Variants in KCNQ3 observed in about 807,000 individuals in gnomAD.
KCNQ3 encodes the protein potassium voltage-gated channel subfamily KQT member 3.
A neutral mutation model predicts 92.5 loss-of-function variants in KCNQ3; 30 were observed. The observed-to-expected ratio is 0.32, with a 90% CI of 0.24 to 0.44. The LOEUF (loss-of-function observed/expected upper bound fraction) is 0.44. Ranked by LOEUF, KCNQ3 falls within the 20% of genes least tolerant of loss-of-function variation. KCNQ3 has a pLI of 1.00. For synonymous variants in KCNQ3, 450 were observed against 468.8 expected (o/e 0.96, Z 0.52); for missense variants, 913 against 1,140.3 (o/e 0.80, Z 2.87).
intron 1 of KCNQ3, among the ~76,000 whole-genome samples, chr8:132,205,138 T>C (rs1438302584): frequency 1.3e-5 from 2 of 152,200 alleles, no homozygotes; most frequent in African/African-American, 2.4e-5. Flanking sequence ...ATAGGACACA[T>C]TGTATCTGAG....
intron 1 of KCNQ3, among the ~76,000 whole-genome samples, chr8:132,445,793 G>C (rs973514200): frequency 1.2e-4 from 19 of 152,214 alleles, no homozygotes; most frequent in Admixed American, 6.5e-5. Context: ...TCACAGATGA[G>C]AAAATCAAGA....
intron 1 of KCNQ3, among the ~76,000 whole-genome samples, chr8:132,363,004 G>A (rs1395881802): frequency 6.6e-6 from 1 of 152,084 alleles, no homozygotes; most frequent in Non-Finnish European, 1.5e-5. Flanking sequence ...AGTGAAGGGG[G>A]AGTTACCAAA....
At chr8:132,269,126 CTAATA>C (rs1816075287) in intron 1 of KCNQ3, among the ~76,000 whole-genome samples, 1 of 152,116 alleles carries the variant, frequency 6.6e-6, no homozygotes, top group Non-Finnish European at 1.5e-5. Flanking sequence ...AGCTTTTTAT[CTAATA>C]TGTCTTGTGC....
intron 1 of KCNQ3, among the ~76,000 whole-genome samples, chr8:132,221,837 C>T (rs1356241832): frequency 6.6e-6 from 1 of 152,124 alleles, no homozygotes; most frequent in Non-Finnish European, 1.5e-5. Context: ...ATTTAATAAA[C>T]AGTGCTGGGA....
chr8:132,170,749 C>G (rs981497733), intron 7 of KCNQ3, among the ~76,000 whole-genome samples: 1 of 151,658 alleles, frequency 6.6e-6, no homozygotes, highest in African/African-American at 2.4e-5. Context: ...CTATGGCTCA[C>G]GCCTGTAATC....
intron 1 of KCNQ3, among the ~76,000 whole-genome samples, chr8:132,318,436 T>A (rs537854182): frequency 1.3e-5 from 2 of 152,288 alleles, no homozygotes; most frequent in East Asian, 3.9e-4. Flanking sequence ...AGGGAATCTG[T>A]TTGTAAGACT....
chr8:132,303,202 G>A (rs117677107), intron 1 of KCNQ3, among the ~76,000 whole-genome samples: 2 of 152,180 alleles, frequency 1.3e-5, no homozygotes, highest in Non-Finnish European at 2.9e-5. Flanking sequence ...CCATGCTACA[G>A]CATTACTATT....
At chr8:132,134,514 G>T (rs1053501630) in intron 12 of KCNQ3, 126 bp from the exon 13 acceptor site, 18 of 647,950 alleles carry the variant, frequency 2.8e-5, no homozygotes, top group South Asian at 1.6e-4. Context: ...GGAGAGGAGA[G>T]GAGAAGTGAG....
rs1554629223 is a variant in KCNQ3, at chr8:132,187,849, G to GTAGTGA, written c.387-1674_387-1669dup. Among the ~76,000 whole-genome samples the GTAGTGA allele has an allele frequency of 2.1e-3, 210 of 101,560 alleles. 2 individuals are homozygous for GTAGTGA. The highest frequency in any genetic ancestry group is 6.4e-3 in the African/African-American group (124 of 19,440). 66.6% of individuals were successfully genotyped at this position (101,560 alleles called of 152,430 possible). On this transcript the variant is annotated intron_variant, in intron 1 of 14. Transcript: ENST00000388996. ...GGTGGTGATTGTGGTGGTGGTGGTG[G>GTAGTGA]TAGTGATGGTGGTGGTGGTGGTGAT...
At chr8:132,458,796 C>T (rs1227445239) in intron 1 of KCNQ3, among the ~76,000 whole-genome samples, 1 of 152,212 alleles carries the variant, frequency 6.6e-6, no homozygotes, top group Non-Finnish European at 1.5e-5. Context: ...TACTGTAGTA[C>T]AGAATTCCCA....
At chr8:132,159,983 C>T (rs566501473) in intron 9 of KCNQ3, among the ~76,000 whole-genome samples, 14 of 152,040 alleles carry the variant, frequency 9.2e-5, no homozygotes, top group Non-Finnish European at 1.8e-4. Context: ...GATAATGCAG[C>T]GAATAAAACA....
intron 1 of KCNQ3, among the ~76,000 whole-genome samples, chr8:132,258,393 A>G (rs964592617): frequency 2.0e-5 from 3 of 152,244 alleles, no homozygotes; most frequent in South Asian, 4.1e-4. Context: ...TAATAATAAT[A>G]CATTCCTAAA....
intron 1 of KCNQ3, among the ~76,000 whole-genome samples, chr8:132,276,284 T>C (rs993551215): frequency 4.6e-5 from 7 of 152,018 alleles, no homozygotes; most frequent in Non-Finnish European, 7.4e-5. Flanking sequence ...CTCCAGGAGG[T>C]GGACACCCTT....
At chr8:132,264,355 G>T (rs1326727509) in intron 1 of KCNQ3, among the ~76,000 whole-genome samples, 1 of 152,132 alleles carries the variant, frequency 6.6e-6, no homozygotes, top group Non-Finnish European at 1.5e-5. Flanking sequence ...CATTTCACCA[G>T]CCCCCAGCTA....
chr8:132,384,024 G>A (rs1819829408), intron 1 of KCNQ3, among the ~76,000 whole-genome samples: 1 of 152,174 alleles, frequency 6.6e-6, no homozygotes, highest in Non-Finnish European at 1.5e-5. Flanking sequence ...GAGAATGGGA[G>A]TCAGTGTTAG....
At chr8:132,185,927 C>T (rs762353859) in intron 2 of KCNQ3, among the ~76,000 whole-genome samples, 164 bp downstream of exon 2, 1 of 152,176 alleles carries the variant, frequency 6.6e-6, no homozygotes, top group South Asian at 2.1e-4. Context: ...GTGCCCATGG[C>T]GGGCCATACC....
intron 8 of KCNQ3, among the ~76,000 whole-genome samples, 159 bp downstream of exon 8, chr8:132,170,175 A>T (rs1393750822): frequency 6.6e-6 from 1 of 152,114 alleles, no homozygotes; most frequent in Non-Finnish European, 1.5e-5. Flanking sequence ...GCCCAGCCAG[A>T]ACTGTTTAAG....
intron 1 of KCNQ3, among the ~76,000 whole-genome samples, chr8:132,230,773 G>A (rs904602776): frequency 5.3e-5 from 8 of 152,072 alleles, no homozygotes; most frequent in African/African-American, 1.9e-4. Context: ...AGAACATTAG[G>A]TTGTCTCCCA....
chr8:132,228,207 A>G (rs184689163), intron 1 of KCNQ3, among the ~76,000 whole-genome samples: 7 of 152,278 alleles, frequency 4.6e-5, no homozygotes, highest in African/African-American at 1.7e-4. Context: ...AAATAAGTCC[A>G]TATGATTTCT....
Sources: gnomAD v4.1 joint callset for allele counts (sites outside exome capture counted in the v4.1 genomes callset) on GRCh38, gnomAD v4.1.1 for gene constraint, MANE v1.5 for transcripts, NCBI Gene and HGNC (gene_info 2026-07-23, HGNC 2026-07-21) for gene names.